OTOA: variants seen among roughly 807,000 people sequenced by gnomAD.
OTOA encodes the protein otoancorin.
A neutral mutation model predicts 110.8 loss-of-function variants in OTOA; 70 were observed. The ratio of observed to expected loss-of-function variants is 0.63; its 90% CI spans 0.52 to 0.77. The LOEUF is 0.77. Ranked by LOEUF, OTOA falls within the 30% of genes least tolerant of loss-of-function variation. OTOA has a pLI of 0.00. For missense variants in OTOA, 917 were observed against 1,075.8 expected (o/e 0.85, Z 2.06); for synonymous variants, 373 against 431.5 (o/e 0.86, Z 1.68).
chr16:21,705,331 G>C lies in OTOA; in HGVS notation c.1104+39G>C, dbSNP rs375598793. The C allele has an allele frequency of 4.6e-5, 74 of 1,612,884 alleles. 1 individual carries two copies. The highest frequency in any genetic ancestry group is 6.1e-5 in the Non-Finnish European group (72 of 1,180,016). On this transcript the variant is annotated intron_variant, in intron 12 of 28. Transcript: ENST00000646100. ...GCAAGGCCCTGAGGCCTCTGCCTCA[G>C]TGTCACTAGCCAGAGAAATGGGGAG...
At chr16:21,688,259 G>T (rs890372704) in intron 8 of OTOA, among the ~76,000 whole-genome samples, 1 of 151,876 alleles carries the variant, frequency 6.6e-6, no homozygotes, top group Admixed American at 6.6e-5. Flanking sequence ...ATGGTGGTGG[G>T]CGCCTGTAAT....
In OTOA at chr16:21,687,628, C is replaced by T. The variant is rs16972658; in HGVS notation, c.615C>T (p.Arg205=). The change falls in exon 8 of 29, where the codon CGC becomes CGT. Residue 205 remains arginine (R), a synonymous_variant. Transcript: ENST00000646100. Reference sequence around the variant, plus strand: ...CAGAGCGGCTCCCTCGGGACCTGCGCGAGGATGCCTTTAAGAACCTGTGAG... The same window carrying T: ...CAGAGCGGCTCCCTCGGGACCTGCGTGAGGATGCCTTTAAGAACCTGTGAG... The part of the protein sequence containing the change: ...DITERLPRDL[R]EDAFKNLSAV... 56,753 of 1,611,076 alleles carry T rather than the reference C, an allele frequency of 0.035. 1,206 individuals are homozygous for T. The highest frequency in any genetic ancestry group is 0.068 in the Middle Eastern group (394 of 5,782).
intron 6 of OTOA, among the ~76,000 whole-genome samples, chr16:21,683,574 G>A (rs1019102901): frequency 6.6e-6 from 1 of 151,858 alleles, no homozygotes; most frequent in Non-Finnish European, 1.5e-5. Context: ...GAGTGTGGTG[G>A]TGTGGCCTGT....
Position 21,684,808 on chromosome 16 carries a change from GT to G in OTOA, c.268-421del, listed in dbSNP as rs752416382. 4.6e-5 allele frequency among the ~76,000 whole-genome samples: 7 copies of G among 150,884 alleles called. No homozygotes were observed. The East Asian group carries it at 1.4e-3, about 29-fold the overall frequency. On this transcript the variant is annotated intron_variant, in intron 6 of 28. Coordinates refer to ENST00000646100, the MANE Select transcript of OTOA (RefSeq NM_144672.4). ...CGCTCTGTCACCAGGCTGGAGTGCA[GT>G]GGCGTGATCTCGGCTCACTGCAACC...
intron 10 of OTOA, among the ~76,000 whole-genome samples, chr16:21,700,410 A>T (rs973434248): frequency 4.6e-5 from 7 of 152,178 alleles, no homozygotes; most frequent in Non-Finnish European, 1.0e-4. Flanking sequence ...CTAAAGTAGC[A>T]GTTACAGACC....
At chr16:21,669,056 TG>T (rs1206186136) in intron 1 of OTOA, among the ~76,000 whole-genome samples, 3 of 151,980 alleles carry the variant, frequency 2.0e-5, no homozygotes, top group African/African-American at 7.3e-5. Flanking sequence ...GCTGACTATC[TG>T]GGGCCGGGTG....
At chr16:21,744,282 G>A (rs1246254090) in intron 23 of OTOA, among the ~76,000 whole-genome samples, 1 of 151,808 alleles carries the variant, frequency 6.6e-6, no homozygotes, top group Non-Finnish European at 1.5e-5. Flanking sequence ...TGGGATTACA[G>A]ATGTGCGCCA....
At chr16:21,712,007 T>C (rs80278981) in intron 13 of OTOA, among the ~76,000 whole-genome samples, 2,739 of 152,202 alleles carry the variant, frequency 0.018, 103 homozygotes, top group African/African-American at 0.062. Flanking sequence ...TGACCAACTA[T>C]ACAAAACTCA....
chr16:21,716,776 G>A (rs1341391545), intron 14 of OTOA, 131 bp from the exon 15 acceptor site: 3 of 1,023,016 alleles, frequency 2.9e-6, no homozygotes, highest in East Asian at 2.4e-5. Context: ...TGGGGATGAT[G>A]CTACTCTCCA....
At chr16:21,706,408 C>T (rs1402904517) in intron 12 of OTOA, among the ~76,000 whole-genome samples, 1 of 152,208 alleles carries the variant, frequency 6.6e-6, no homozygotes, top group Admixed American at 6.5e-5. Flanking sequence ...TAGTAACATC[C>T]CTGCCAGGTG....
chr16:21,709,765 C>A (rs1898297434), intron 12 of OTOA, 123 bp from the exon 13 acceptor site: 1 of 881,856 alleles, frequency 1.1e-6, no homozygotes, highest in Non-Finnish European at 1.8e-6. Flanking sequence ...TTTCTGAGCC[C>A]AAAAGCTTTG....
rs749912295 is a variant in OTOA, at chr16:21,678,571, A to C, written c.57A>C (p.Gly19=). The C allele has an allele frequency of 3.3e-5, 54 of 1,613,674 alleles. No individual in the cohort carries two copies. The highest frequency in any genetic ancestry group is 4.2e-5 in the Non-Finnish European group (49 of 1,179,962). Residue 19 remains glycine, a synonymous_variant, in exon 2 of 29, where the codon GGA becomes GGC. Coordinates refer to ENST00000646100, the MANE Select transcript of OTOA (RefSeq NM_144672.4). ...TCCTATTCCTTTTTCTGAGCCATGG[A>C]GTGTCGAGTTATACAGTGCCAAATT... is the stretch of plus-strand genomic sequence containing the variant. ...SLFLFLFLSH[G]VSSYTVPNSR...
chr16:21,698,380 A>T (rs551478373), intron 10 of OTOA, among the ~76,000 whole-genome samples: 6 of 152,158 alleles, frequency 3.9e-5, no homozygotes, highest in Non-Finnish European at 5.9e-5. Flanking sequence ...ACATTCTAGG[A>T]TTACTTAACT....
intron 1 of OTOA, among the ~76,000 whole-genome samples, chr16:21,671,626 A>AT (rs1966849319): frequency 6.6e-6 from 1 of 151,432 alleles, no homozygotes; most frequent in Non-Finnish European, 1.5e-5. Context: ...AAAAAAAAAA[A>AT]GAAAGAAATA....
Position 21,728,356 on chromosome 16 carries a change from A to G in OTOA, c.2132A>G (p.His711Arg), listed in dbSNP as rs761657472. ...CCCAGGGCTTGGGCGACTGCTCTAC[A>G]CGGCCTCAGAGACTGCCCAGACCTC... ...ISPRAWATAL[H>R]GLRDCPDLNP... Residue 711 changes from histidine to arginine, a missense_variant, in exon 20 of 29, where the codon CAC becomes CGC. By Grantham distance (29) the His-to-Arg change is conservative (BLOSUM62 0). Around this residue, in one of 6 missense-constraint regions of OTOA, gnomAD observed 840 missense variants for 910.2 expected, o/e 0.92. Transcript: ENST00000646100. 30 of 1,613,924 alleles carry G rather than the reference A, an allele frequency of 1.9e-5. No individual in the cohort carries two copies. The highest frequency in any genetic ancestry group is 3.3e-5 in the Admixed American group (2 of 59,984).
chr16:21,720,011 A>G (rs1898680558), intron 17 of OTOA, among the ~76,000 whole-genome samples: 1 of 150,784 alleles, frequency 6.6e-6, no homozygotes, highest in Non-Finnish European at 1.5e-5. Flanking sequence ...GCTGGAGTAC[A>G]GTGGCATAAT....
intron 13 of OTOA, among the ~76,000 whole-genome samples, chr16:21,713,997 G>T (rs1360247321): frequency 1.3e-5 from 2 of 152,034 alleles, no homozygotes; most frequent in African/African-American, 4.8e-5. Flanking sequence ...GAGGGGTGAG[G>T]CCACTTTTAC....
intron 11 of OTOA, among the ~76,000 whole-genome samples, chr16:21,704,407 T>C (rs1898112684): frequency 6.6e-6 from 1 of 152,146 alleles, no homozygotes; most frequent in South Asian, 2.1e-4. Flanking sequence ...CATAGGTGGA[T>C]GGATCTACAT....
intron 13 of OTOA, among the ~76,000 whole-genome samples, chr16:21,713,527 G>A (rs1898422921): frequency 2.0e-5 from 3 of 152,194 alleles, no homozygotes; most frequent in Admixed American, 2.0e-4. Context: ...TGTGTTCTAA[G>A]TGAATTAATA....
Sources: gnomAD v4.1 joint callset for allele counts (sites outside exome capture counted in the v4.1 genomes callset) on GRCh38, gnomAD v4.1.1 for gene constraint, gnomAD v4.1.1 regional missense constraint, MANE v1.5 for transcripts, NCBI Gene and HGNC (gene_info 2026-07-23, HGNC 2026-07-21) for gene names.